The following CFAP58 variants were observed in gnomAD, a reference collection of about 807,000 sequenced individuals.
The protein encoded by CFAP58 is cilia- and flagella-associated protein 58.
A neutral mutation model predicts 119.5 loss-of-function variants in CFAP58; 88 were observed. That is an observed-to-expected ratio of 0.74 (90% CI 0.62 to 0.88). The LOEUF (loss-of-function observed/expected upper bound fraction) is 0.88. Ranked by LOEUF, CFAP58 falls within the 40% of genes least tolerant of loss-of-function variation. The pLI is 0.00. For missense variants in CFAP58, 990 were observed against 1,021.2 expected (o/e 0.97, Z 0.42); for synonymous variants, 365 against 366.3 (o/e 1.00, Z 0.04).
chr10:104,414,607 G>T lies in CFAP58; in HGVS notation c.2256+7814G>T, dbSNP rs371160843. On this transcript the variant is annotated intron_variant, in intron 15 of 17. Coordinates refer to ENST00000369704, the MANE Select transcript of CFAP58 (RefSeq NM_001008723.2). ...TGGGGCAGGGTGGGTGGGCTTCAGG[G>T]AAGATGGGCTTTCTTAAGATGCCTT... Among the ~76,000 whole-genome samples, 10 of 152,274 alleles carry T rather than the reference G, an allele frequency of 6.6e-5. No homozygotes were observed. The East Asian group carries it at 9.7e-4, about 15-fold the overall frequency.
chr10:104,357,839 A>G (rs553022504), intron 1 of CFAP58, among the ~76,000 whole-genome samples: 6 of 74,762 alleles, frequency 8.0e-5, no homozygotes, highest in African/African-American at 3.9e-4. Flanking sequence ...ATATATGTAC[A>G]CATATGTACA....
At chr10:104,352,675 G>A (rs182547905), upstream of CFAP58, among the ~76,000 whole-genome samples, 68 of 152,288 alleles carry the variant, frequency 4.5e-4, no homozygotes, top group Admixed American at 2.3e-3. Context: ...GGTCCTTAAG[G>A]GACCACGGAC....
At chr10:104,381,132 AGAGT>A (rs1293021830) in intron 9 of CFAP58, among the ~76,000 whole-genome samples, 2 of 152,168 alleles carry the variant, frequency 1.3e-5, no homozygotes, top group Non-Finnish European at 2.9e-5. Flanking sequence ...CCTGGGCAAC[AGAGT>A]GAGATCCTGT....
intron 12 of CFAP58, among the ~76,000 whole-genome samples, chr10:104,399,805 A>C (rs1368809414): frequency 6.6e-6 from 1 of 152,136 alleles, no homozygotes; most frequent in Non-Finnish European, 1.5e-5. Flanking sequence ...ATTGCAATTA[A>C]TAATTACATG....
intron 15 of CFAP58, among the ~76,000 whole-genome samples, chr10:104,432,780 C>T (rs376764784): frequency 1.3e-5 from 2 of 152,278 alleles, no homozygotes; most frequent in Admixed American, 6.5e-5. Context: ...GGATTACAGG[C>T]GTGAGCCACC....
chr10:104,411,740 A>G (rs1252120962), intron 15 of CFAP58, among the ~76,000 whole-genome samples: 2 of 151,744 alleles, frequency 1.3e-5, no homozygotes, highest in African/African-American at 4.8e-5. Context: ...ATGAATGGAT[A>G]CAAATTCTTA....
At chr10:104,374,485 C>G (rs1364170325) in intron 7 of CFAP58, among the ~76,000 whole-genome samples, 1 of 129,570 alleles carries the variant, frequency 7.7e-6, no homozygotes, top group African/African-American at 3.0e-5. Context: ...AAAAAAAATC[C>G]AGAAAGGATA....
At chr10:104,451,137 A>G (rs572748715) in intron 17 of CFAP58, among the ~76,000 whole-genome samples, 1 of 152,340 alleles carries the variant, frequency 6.6e-6, no homozygotes, top group African/African-American at 2.4e-5. Context: ...AAAATCATCC[A>G]GTTAATCTTG....
chr10:104,425,110 A>C (rs2012721875), intron 15 of CFAP58, among the ~76,000 whole-genome samples: 2 of 152,238 alleles, frequency 1.3e-5, no homozygotes, highest in South Asian at 4.1e-4. Context: ...TAACTGATTT[A>C]AACTGCCTAG....
intron 6 of CFAP58, 136 bp from the exon 7 acceptor site, chr10:104,370,759 G>A: frequency 1.4e-6 from 1 of 697,680 alleles, no homozygotes; most frequent in East Asian, 3.1e-5. Context: ...AATTGTGTGT[G>A]CTTGATTTAA....
upstream of CFAP58, among the ~76,000 whole-genome samples, chr10:104,350,564 C>T (rs1023778602): frequency 6.6e-6 from 1 of 152,218 alleles, no homozygotes; most frequent in African/African-American, 2.4e-5. Context: ...CGCCTTTCTA[C>T]CTCCTTGTGG....
chr10:104,430,455 T>G (rs2012827114), intron 15 of CFAP58, among the ~76,000 whole-genome samples: 1 of 152,266 alleles, frequency 6.6e-6, no homozygotes, highest in Non-Finnish European at 1.5e-5. Context: ...ACTTACAGTC[T>G]TCTTTTGGAA....
At chr10:104,361,207 T>G (rs1188203407) in intron 2 of CFAP58, among the ~76,000 whole-genome samples, 1 of 152,252 alleles carries the variant, frequency 6.6e-6, no homozygotes, top group Non-Finnish European at 1.5e-5. Flanking sequence ...TAAGTATTTA[T>G]GTCAAAATAC....
At chr10:104,345,406 A>G in the CFAP58 span, among the ~76,000 whole-genome samples, 9 of 152,248 alleles carry the variant, frequency 5.9e-5, no homozygotes. Context: ...ACTTGGAAGT[A>G]ATTTTAACCA....
chr10:104,375,723 T>C (rs897139186), intron 7 of CFAP58, among the ~76,000 whole-genome samples: 16 of 150,674 alleles, frequency 1.1e-4, no homozygotes, highest in African/African-American at 3.9e-4. Context: ...ATCAATCGAA[T>C]ACGTTTAAGA....
intron 3 of CFAP58, among the ~76,000 whole-genome samples, chr10:104,362,785 T>G (rs1438324561): frequency 6.6e-5 from 10 of 152,170 alleles, no homozygotes. Flanking sequence ...AAATTTAGGC[T>G]CCTGAAGCAC....
At chr10:104,353,808 G>T (rs1380679764), upstream of CFAP58, 1 of 1,491,530 alleles carries the variant, frequency 6.7e-7, no homozygotes, top group Non-Finnish European at 9.2e-7. Context: ...TAGAGACAGC[G>T]CGTCGCGCCT....
At chr10:104,443,340 C>G (rs2013068384) in intron 15 of CFAP58, among the ~76,000 whole-genome samples, 1 of 152,130 alleles carries the variant, frequency 6.6e-6, no homozygotes, top group Non-Finnish European at 1.5e-5. Flanking sequence ...CCTTGGAGTT[C>G]TTGGCACTCA....
In CFAP58 at chr10:104,403,452, G is replaced by T. The variant is rs558103969; in HGVS notation, c.2040-277G>T. 2.0e-4 allele frequency among the ~76,000 whole-genome samples: 30 copies of T among 150,128 alleles called. No individual in the cohort carries two copies. In the South Asian group the frequency reaches 6.3e-3, roughly 32 times the overall value. The stretch of plus-strand genomic sequence containing the variant: ...AATCCCCCTGCCCTTTGTTCTTTTC[G>T]TATACTTATAAATTTATTGAGTATC... On this transcript the variant is annotated intron_variant, in intron 13 of 17. Transcript: ENST00000369704.
Sources: allele counts gnomAD v4.1 joint callset (sites outside exome capture counted in the v4.1 genomes callset), GRCh38; gene constraint gnomAD v4.1.1; transcripts MANE v1.5; gene names NCBI Gene and HGNC (gene_info 2026-07-23, HGNC 2026-07-21).